IRAG1: variants seen among roughly 807,000 people sequenced by gnomAD.
The protein encoded by IRAG1 is inositol 1,4,5-triphosphate receptor associated 1, also known as IP3R-associated cGMP kinase substrate.
IRAG1 carries 62 observed loss-of-function variants against 106.2 expected under a neutral mutation model. That is an observed-to-expected ratio of 0.58 (90% CI 0.48 to 0.72). The LOEUF (loss-of-function observed/expected upper bound fraction) is 0.72, where lower values mean the gene tolerates loss of function less well. Among genes scored for constraint, IRAG1 ranks in the 30% least tolerant of loss-of-function variants. The pLI is 0.00. For synonymous variants in IRAG1, 462 were observed against 443.9 expected, an observed-to-expected ratio of 1.04 and a Z score of -0.51; for missense variants, 1,064 against 1,140.7, an observed-to-expected ratio of 0.93 and a Z score of 0.97.
chr11:10,639,238 T>TTTA (rs1278607681), intron 2 of IRAG1, among the ~76,000 whole-genome samples: 12 of 152,210 alleles, frequency 7.9e-5, no homozygotes, highest in African/African-American at 2.9e-4. Flanking sequence ...TTTTTAATCT[T>TTTA]ATTGACACTA....
rs1240874047 is a variant in IRAG1 at position 10,600,899 on chromosome 11, C to A, written c.2017+19G>T. ...TCCACCTTGTAGGGCCAAGATGGGG[C>A]AGGAGCCTAGGTCCTTACCAGAGGG... On this transcript the variant is annotated intron_variant, in intron 15 of 20. Transcript: ENST00000423302. 1.2e-6 allele frequency: 2 copies of A among 1,613,652 alleles called. No homozygotes were observed. Among genetic ancestry groups the A allele is most frequent in the South Asian group, 2.2e-5 (2 of 91,062 alleles).
chr11:10,638,112 C>A (rs1857268123), intron 2 of IRAG1, among the ~76,000 whole-genome samples: 1 of 152,192 alleles, frequency 6.6e-6, no homozygotes, highest in Non-Finnish European at 1.5e-5. Context: ...CAATCAGCAT[C>A]CTCTGATGCA....
At chr11:10,626,865 A>G (rs550992563) in intron 8 of IRAG1, among the ~76,000 whole-genome samples, 1 of 152,342 alleles carries the variant, frequency 6.6e-6, no homozygotes, top group East Asian at 1.9e-4. Flanking sequence ...GCCCTAACTC[A>G]GTTGCCCCAG....
chr11:10,656,735 C>A (rs575084372), intron 1 of IRAG1, among the ~76,000 whole-genome samples: 5 of 152,148 alleles, frequency 3.3e-5, no homozygotes, highest in Non-Finnish European at 7.3e-5. Context: ...TGCTCAAGAT[C>A]ACACAGCTAG....
chr11:10,671,013 A>T (rs192615281), intron 1 of IRAG1, among the ~76,000 whole-genome samples: 15 of 152,374 alleles, frequency 9.8e-5, no homozygotes, highest in Non-Finnish European at 1.3e-4. Flanking sequence ...TCTCAGCCAT[A>T]TCAGATTTAA....
At chr11:10,594,043 T>C in intron 16 of IRAG1, 103 bp downstream of exon 16, 1 of 1,095,912 alleles carries the variant, frequency 9.1e-7, no homozygotes, top group South Asian at 1.4e-5. Context: ...GTTCAGAGAT[T>C]CTCTGGCATC....
chr11:10,593,278 C>A (rs1331797967), intron 17 of IRAG1: 1 of 417,440 alleles, frequency 2.4e-6, no homozygotes, highest in Non-Finnish European at 4.4e-6. Context: ...GCTGCCAACA[C>A]CATGCTGAGG....
At chr11:10,625,175 T>C (rs1591629983) in intron 9 of IRAG1, among the ~76,000 whole-genome samples, 1 of 152,290 alleles carries the variant, frequency 6.6e-6, no homozygotes, top group South Asian at 2.1e-4. Context: ...GCACCTTCTT[T>C]TCTTCCCTGC....
chr11:10,614,185 C>T (rs1284532858), intron 10 of IRAG1, among the ~76,000 whole-genome samples: 1 of 152,166 alleles, frequency 6.6e-6, no homozygotes, highest in African/African-American at 2.4e-5. Flanking sequence ...CTGACCCACC[C>T]TAGCCCTTCC....
rs1479235151 is a variant in IRAG1, at chr11:10,665,377, C to T, written c.68-13195G>A. Among the ~76,000 whole-genome samples, 4 of 152,346 alleles carry T rather than the reference C, an allele frequency of 2.6e-5. No homozygotes were observed. The highest frequency in any genetic ancestry group is 3.9e-4 in the East Asian group (2 of 5,194). ...CCCCACTTCTTTTTACTAATACACA[C>T]ATCTAAACTGTTAGGGCTCCAGAGG... On this transcript the variant is annotated intron_variant, in intron 1 of 20. Coordinates refer to ENST00000423302, the MANE Select transcript of IRAG1 (RefSeq NM_130385.4). This position sits in a 1 kb window ranked among gnomAD's most constrained non-coding sequence, Gnocchi z 4.2.
intron 1 of IRAG1, among the ~76,000 whole-genome samples, chr11:10,653,962 G>A (rs1215329155): frequency 6.6e-6 from 1 of 152,214 alleles, no homozygotes; most frequent in Non-Finnish European, 1.5e-5. Flanking sequence ...AGACCACCAT[G>A]CAGATAACAT....
At chr11:10,638,952 C>T (rs1228674148) in intron 2 of IRAG1, among the ~76,000 whole-genome samples, 4 of 152,246 alleles carry the variant, frequency 2.6e-5, no homozygotes, top group African/African-American at 9.6e-5. Flanking sequence ...GATGGAGGCT[C>T]ACTCTGTCTC....
chr11:10,596,764 T>A (rs538838131), intron 15 of IRAG1, among the ~76,000 whole-genome samples: 1 of 152,364 alleles, frequency 6.6e-6, no homozygotes, highest in Admixed American at 6.5e-5. Context: ...TTTCTTCAAC[T>A]GTGCCCAATT....
chr11:10,634,960 C>G (rs548288373), intron 2 of IRAG1, among the ~76,000 whole-genome samples: 1 of 152,290 alleles, frequency 6.6e-6, no homozygotes, highest in African/African-American at 2.4e-5. Flanking sequence ...CCAGCAGGCC[C>G]TCACCTGAGC....
intron 15 of IRAG1, 59 bp downstream of exon 15, chr11:10,600,859 A>AAGAGCTCTTGGCTAGGATT: frequency 6.2e-7 from 1 of 1,602,412 alleles, no homozygotes; most frequent in Non-Finnish European, 8.5e-7. Context: ...AATCCTAGCC[A>AAGAGCTCTTGGCTAGGATT]AGAGCTCTTG....
chr11:10,629,732 G>T, intron 4 of IRAG1, 21 bp from the exon 5 acceptor site: 1 of 1,608,838 alleles, frequency 6.2e-7, no homozygotes, highest in Non-Finnish European at 8.5e-7. Flanking sequence ...AGGATGAGCT[G>T]GGGTGAGAGC....
chr11:10,576,376 A>G lies in IRAG1; in HGVS notation c.2695T>C (p.Trp899Arg), dbSNP rs1850813194. Residue 899 changes from tryptophan (W) to arginine (R), a missense_variant, in exon 21 of 21, where the codon TGG (tryptophan) becomes CGG (arginine). By Grantham distance (101) the Trp-to-Arg change is moderately radical. Coordinates refer to ENST00000423302, the MANE Select transcript of IRAG1 (RefSeq NM_130385.4). ...TCATGCTGGAGTCCTGAGCTCCACCAGGAGTCCCTCTGGGCTGCCGAGCAA... is the reference window on the plus strand; with the variant it reads ...TCATGCTGGAGTCCTGAGCTCCACCGGGAGTCCCTCTGGGCTGCCGAGCAA... The part of the protein sequence containing the change: ...STCSAAQRDS[W>R]WSSGLQHEQP... 6.2e-7 allele frequency: 1 copy of G among 1,613,964 alleles called. No homozygotes were observed. Among genetic ancestry groups the G allele is most frequent in the African/African-American group, 1.3e-5 (1 of 75,046 alleles).
chr11:10,677,748 T>C (rs536973017), intron 1 of IRAG1, among the ~76,000 whole-genome samples: 41 of 152,324 alleles, frequency 2.7e-4, no homozygotes, highest in African/African-American at 9.6e-4. Context: ...TCATCCCAAA[T>C]GGAAACTCTG....
At position 10,627,721 on chromosome 11, in the gene IRAG1, C is replaced by T. The variant is rs1856362625; in HGVS notation, c.745G>A (p.Glu249Lys). Residue 249 changes from glutamate (E) to lysine (K), a missense_variant, in exon 8 of 21, where the codon GAG becomes AAG. Transcript: ENST00000423302. ...EADVSSPHPG[E>K]PNVPKGLADR... ...GGAGCAAAGCTCAAACTCACAGGCT[C>T]GCCAGGGTGAGGTGAAGAGACGTCG... 1.9e-6 allele frequency: 3 copies of T among 1,613,984 alleles called. No homozygotes were observed. The highest frequency in any genetic ancestry group is 1.7e-6 in the Non-Finnish European group (2 of 1,179,898).
Sources: allele counts gnomAD v4.1 joint callset (sites outside exome capture counted in the v4.1 genomes callset), GRCh38; gene constraint gnomAD v4.1.1; non-coding constraint Gnocchi (gnomAD v3.1); transcripts MANE v1.5; gene names NCBI Gene and HGNC (gene_info 2026-07-23, HGNC 2026-07-21).